Variants in TLN2 observed in about 807,000 individuals in gnomAD.
The protein encoded by TLN2 is talin-2.
In TLN2, 118 loss-of-function variants were observed where a neutral mutation model predicts 294.7. That is an observed-to-expected ratio of 0.40 (90% CI 0.34 to 0.47). The LOEUF is 0.47. Among genes scored for constraint, TLN2 ranks in the 20% least tolerant of loss-of-function variants. TLN2 has a pLI of 0.84. For missense variants in TLN2, 3,083 were observed against 3,282.2 expected (o/e 0.94, Z 1.48); for synonymous variants, 1,431 against 1,304.5 (o/e 1.10, Z -2.09).
intron 19 of TLN2, among the ~76,000 whole-genome samples, chr15:62,703,494 A>G (rs529657749): frequency 6.6e-6 from 1 of 152,016 alleles, no homozygotes; most frequent in South Asian, 2.1e-4. Flanking sequence ...TCTGTCACCT[A>G]ACCTCTGTGA....
intron 9 of TLN2, among the ~76,000 whole-genome samples, chr15:62,669,270 A>C (rs547934864): frequency 1.3e-5 from 2 of 152,322 alleles, no homozygotes; most frequent in East Asian, 3.9e-4. Context: ...TCAGTGTATC[A>C]TATAATCATG....
intron 54 of TLN2, among the ~76,000 whole-genome samples, chr15:62,823,584 CAG>C (rs888085634): frequency 5.3e-5 from 8 of 152,146 alleles, no homozygotes; most frequent in African/African-American, 1.9e-4. Context: ...TGGGGAGAGA[CAG>C]TAATTTTGTC....
intron 1 of TLN2, among the ~76,000 whole-genome samples, chr15:62,421,511 C>A (rs1251218106): frequency 6.6e-6 from 1 of 152,140 alleles, no homozygotes; most frequent in East Asian, 1.9e-4. Flanking sequence ...AGAATGAGAT[C>A]ATGTCCTTTG....
intron 17 of TLN2, among the ~76,000 whole-genome samples, chr15:62,701,640 G>T (rs1377391083): frequency 6.6e-6 from 1 of 152,202 alleles, no homozygotes; most frequent in Non-Finnish European, 1.5e-5. Context: ...CACTGTCAGA[G>T]GAGAGCTGGG....
intron 1 of TLN2, among the ~76,000 whole-genome samples, chr15:62,550,846 C>T (rs557591081): frequency 3.8e-4 from 58 of 152,272 alleles, no homozygotes; most frequent in Middle Eastern, 3.4e-3. Context: ...ACAATTTTTT[C>T]CTGGACCAGG....
chr15:62,651,855 C>G, intron 5 of TLN2, 150 bp from the exon 6 acceptor site: 5 of 994,940 alleles, frequency 5.0e-6, no homozygotes, highest in Non-Finnish European at 6.9e-6. Context: ...CCCCTGAAAA[C>G]TTTGAAAGGT....
intron 1 of TLN2, among the ~76,000 whole-genome samples, chr15:62,581,490 G>C (rs1338809153): frequency 6.6e-6 from 1 of 152,106 alleles, no homozygotes; most frequent in Non-Finnish European, 1.5e-5. Flanking sequence ...GGTATTCTTT[G>C]TGGCTTTGTG....
chr15:62,555,977 C>T (rs2042582819), intron 1 of TLN2, among the ~76,000 whole-genome samples: 1 of 145,358 alleles, frequency 6.9e-6, no homozygotes, highest in Non-Finnish European at 1.5e-5. Context: ...TTTTCTCTTC[C>T]AGTTGGACTT....
chr15:62,503,839 G>A (rs1043034125), intron 1 of TLN2, among the ~76,000 whole-genome samples: 5 of 152,148 alleles, frequency 3.3e-5, no homozygotes, highest in East Asian at 1.9e-4. Flanking sequence ...CTGGAGCTGG[G>A]CTCACACCCC....
At chr15:62,704,594 T>A (rs1262966645) in intron 19 of TLN2, among the ~76,000 whole-genome samples, 1 of 152,236 alleles carries the variant, frequency 6.6e-6, no homozygotes, top group Non-Finnish European at 1.5e-5. Context: ...ATTCATATCC[T>A]GCAGTGCAAT....
At chr15:62,472,446 C>T (rs1386335310) in intron 1 of TLN2, among the ~76,000 whole-genome samples, 1 of 152,200 alleles carries the variant, frequency 6.6e-6, no homozygotes. Flanking sequence ...CAGCATCTGG[C>T]ACGAAGCTTA....
At chr15:62,602,136 A>C (rs1000690241) in intron 2 of TLN2, among the ~76,000 whole-genome samples, 5 of 152,344 alleles carry the variant, frequency 3.3e-5, no homozygotes, top group Admixed American at 3.3e-4. Flanking sequence ...GGATACTTAC[A>C]GTGGACAGAA....
At chr15:62,823,837 C>A in intron 54 of TLN2, 1 of 416,178 alleles carries the variant, frequency 2.4e-6, no homozygotes. Context: ...TCCACATCTG[C>A]AGGCAGACTT....
intron 7 of TLN2, among the ~76,000 whole-genome samples, chr15:62,655,286 G>A (rs1367367349): frequency 6.6e-6 from 1 of 152,192 alleles, no homozygotes; most frequent in Non-Finnish European, 1.5e-5. Context: ...CCAGAGAGGA[G>A]TGTTGGAGTG....
chr15:62,562,360 G>A (rs2043037079), intron 1 of TLN2, among the ~76,000 whole-genome samples: 1 of 152,106 alleles, frequency 6.6e-6, no homozygotes, highest in Non-Finnish European at 1.5e-5. Flanking sequence ...GGCATCCTGG[G>A]TTGTGGCCCT....
intron 55 of TLN2, chr15:62,834,074 C>T (rs2069182691): frequency 1.3e-5 from 2 of 153,464 alleles, no homozygotes; most frequent in South Asian, 2.1e-4. Context: ...TAGCACTTTC[C>T]TAAGTCTGCT....
intron 54 of TLN2, chr15:62,829,006 C>T (rs2068491666): frequency 6.6e-6 from 1 of 152,074 alleles, no homozygotes; most frequent in African/African-American, 2.4e-5. Context: ...TCCTGACTCC[C>T]ACCCCAGACC....
chr15:62,418,600 A>G (rs1469519355), intron 1 of TLN2, among the ~76,000 whole-genome samples: 1 of 152,324 alleles, frequency 6.6e-6, no homozygotes, highest in East Asian at 1.9e-4. Context: ...GTGAGCAACA[A>G]GGCTGTTTAT....
intron 2 of TLN2, among the ~76,000 whole-genome samples, chr15:62,605,175 C>T (rs1376084895): frequency 6.6e-6 from 1 of 152,106 alleles, no homozygotes; most frequent in Non-Finnish European, 1.5e-5. Flanking sequence ...CAAATTTTCT[C>T]ATGTTTATGA....
Sources: gnomAD v4.1 joint callset for allele counts (sites outside exome capture counted in the v4.1 genomes callset) on GRCh38, gnomAD v4.1.1 for gene constraint, MANE v1.5 for transcripts, NCBI Gene and HGNC (gene_info 2026-07-23, HGNC 2026-07-21) for gene names.